HPSE2: variants seen among roughly 807,000 people sequenced by gnomAD.
HPSE2 encodes inactive heparanase-2.
A neutral mutation model predicts 60.5 loss-of-function variants in HPSE2; 38 were observed. The observed-to-expected ratio is 0.63, with a 90% CI of 0.48 to 0.82. The LOEUF (loss-of-function observed/expected upper bound fraction) is 0.82, where lower values mean the gene tolerates loss of function less well. Ranked by LOEUF, HPSE2 falls within the 40% of genes least tolerant of loss-of-function variation. The probability of loss-of-function intolerance (pLI) is 0.00; values close to 1 mark genes in which losing one functional copy is unlikely to be tolerated. For missense variants in HPSE2, 713 were observed against 740.4 expected, an observed-to-expected ratio of 0.96 and a Z score of 0.43; for synonymous variants, 295 against 293.2, an observed-to-expected ratio of 1.01 and a Z score of -0.06.
chr10:98,771,790 G>GA (rs1950246466), intron 3 of HPSE2, among the ~76,000 whole-genome samples: 1 of 152,148 alleles, frequency 6.6e-6, no homozygotes, highest in Non-Finnish European at 1.5e-5. Context: ...CTGCTAGGGT[G>GA]ACTTTTAGAG....
intron 3 of HPSE2, among the ~76,000 whole-genome samples, chr10:99,119,528 A>G (rs1385812542): frequency 6.6e-6 from 1 of 152,246 alleles, no homozygotes; most frequent in African/African-American, 2.4e-5. Context: ...AAAGCAATTT[A>G]TAGATTCAAT....
At chr10:98,790,470 T>C (rs570304137) in intron 3 of HPSE2, among the ~76,000 whole-genome samples, 1 of 152,128 alleles carries the variant, frequency 6.6e-6, no homozygotes, top group African/African-American at 2.4e-5. Flanking sequence ...AGAAAGGAGG[T>C]TACCAGAGGC....
At chr10:99,032,966 C>T (rs1218509195) in intron 3 of HPSE2, among the ~76,000 whole-genome samples, 5 of 152,194 alleles carry the variant, frequency 3.3e-5, no homozygotes, top group Non-Finnish European at 7.3e-5. Context: ...ATTTTAAGGT[C>T]AACTGACTAG....
intron 4 of HPSE2, among the ~76,000 whole-genome samples, chr10:98,725,232 C>G (rs1217195852): frequency 6.6e-6 from 1 of 152,128 alleles, no homozygotes; most frequent in African/African-American, 2.4e-5. Flanking sequence ...TACCTGACTT[C>G]AAACTATACT....
intron 3 of HPSE2, among the ~76,000 whole-genome samples, chr10:99,127,524 T>C (rs1170444443): frequency 6.6e-6 from 1 of 152,100 alleles, no homozygotes; most frequent in Admixed American, 6.5e-5. Context: ...TAAGAATAAC[T>C]GGTGTTCCTA....
Position 98,490,262 on chromosome 10 carries a change from GAC to G in HPSE2, c.1321-68_1321-67del, listed in dbSNP as rs59184373. 1.6e-3 allele frequency: 1,969 copies of G among 1,251,114 alleles called. 1 individual carries two copies. Among genetic ancestry groups the G allele is most frequent in the African/African-American group, 6.4e-3 (427 of 67,060 alleles). 77.5% of individuals were successfully genotyped at this position (1,251,114 alleles called of 1,614,324 possible). On this transcript the variant is annotated intron_variant, in intron 9 of 11. Transcript: ENST00000370552. ...ATGCTCAGGTGTTCTGAGTAAACAT[GAC>G]ACACACACACACACACACACACACA...
chr10:98,668,548 C>T (rs1181205328), intron 6 of HPSE2, among the ~76,000 whole-genome samples: 2 of 152,002 alleles, frequency 1.3e-5, no homozygotes, highest in African/African-American at 4.8e-5. Context: ...GGTATGGGTA[C>T]AAAAACAGAC....
Position 99,234,582 on chromosome 10 carries a change from G to A in HPSE2, c.290+931C>T, listed in dbSNP as rs137915420. Among the ~76,000 whole-genome samples the A allele has an allele frequency of 1.5e-3, 229 of 152,288 alleles. 3 individuals are homozygous for A. In the Middle Eastern group the frequency reaches 0.024, roughly 16 times the overall value. ...TTTACACTGCAACTCTGTCCCTGATGGGAAGGGATCGCAGTTGCCTAACTG... is the reference window on the plus strand; with the variant it reads ...TTTACACTGCAACTCTGTCCCTGATAGGAAGGGATCGCAGTTGCCTAACTG... On this transcript the variant is annotated intron_variant, in intron 1 of 11. Coordinates refer to ENST00000370552, the MANE Select transcript of HPSE2 (RefSeq NM_021828.5).
At chr10:98,561,703 C>T (rs756899481) in intron 9 of HPSE2, among the ~76,000 whole-genome samples, 96 of 152,158 alleles carry the variant, frequency 6.3e-4, no homozygotes, top group Non-Finnish European at 1.2e-3. Flanking sequence ...AAAAAATTAG[C>T]TGGGTGTGGT....
At chr10:99,178,144 T>C (rs908224481) in intron 2 of HPSE2, among the ~76,000 whole-genome samples, 2 of 151,820 alleles carry the variant, frequency 1.3e-5, no homozygotes, top group African/African-American at 2.4e-5. Flanking sequence ...TTTATAGCAC[T>C]AAATGCCCAC....
chr10:98,973,136 T>C (rs975124055), intron 3 of HPSE2, among the ~76,000 whole-genome samples: 1 of 152,124 alleles, frequency 6.6e-6, no homozygotes, highest in African/African-American at 2.4e-5. Context: ...TTCATACAGA[T>C]CAGGTGGAAA....
the HPSE2 span, among the ~76,000 whole-genome samples, chr10:99,250,185 C>A: frequency 1.3e-5 from 2 of 149,358 alleles, no homozygotes; most frequent in Non-Finnish European, 3.0e-5. Context: ...CCTTTTATTT[C>A]TCTTCCTCCT....
intron 7 of HPSE2, among the ~76,000 whole-genome samples, chr10:98,635,784 G>A (rs375679679): frequency 4.5e-4 from 59 of 129,752 alleles, no homozygotes; most frequent in South Asian, 8.0e-4. Flanking sequence ...CCCATCTCAT[G>A]AAAAAAAAAA....
At chr10:99,267,595 A>T in the HPSE2 span, among the ~76,000 whole-genome samples, 1 of 152,074 alleles carries the variant, frequency 6.6e-6, no homozygotes, top group African/African-American at 2.4e-5. Context: ...CAGCCTGGCC[A>T]ATATGGTGAA....
chr10:99,285,862 T>C, the HPSE2 span, among the ~76,000 whole-genome samples: 1 of 151,662 alleles, frequency 6.6e-6, no homozygotes, highest in Non-Finnish European at 1.5e-5. Flanking sequence ...GAGGCAGAGG[T>C]TGAAGTGAGC....
rs761449167 is a variant in HPSE2, at chr10:98,852,813, C to T, written c.611-108757G>A. ...AGCCCTATATTTTTTCTAAAAACAA[C>T]GTATAAACTAAAGGAAGAAACTGAA... On this transcript the variant is annotated intron_variant, in intron 3 of 11. Transcript: ENST00000370552. 7.2e-5 allele frequency among the ~76,000 whole-genome samples: 11 copies of T among 151,976 alleles called. No individual in the cohort carries two copies. In the East Asian group the frequency reaches 1.3e-3, roughly 19 times the overall value.
chr10:98,480,056 T>C (rs943624335), intron 11 of HPSE2, among the ~76,000 whole-genome samples: 32 of 152,076 alleles, frequency 2.1e-4, no homozygotes, highest in African/African-American at 7.5e-4. Context: ...AGGATCCCTG[T>C]AGAATGAAAT....
chr10:99,083,216 T>C (rs901851127), intron 3 of HPSE2, among the ~76,000 whole-genome samples: 46 of 152,296 alleles, frequency 3.0e-4, no homozygotes, highest in Admixed American at 2.9e-3. Context: ...CTTACATTAC[T>C]AGCAGGAGGT....
chr10:98,932,639 T>C lies in HPSE2; in HGVS notation c.611-188583A>G, dbSNP rs1305099466. On this transcript the variant is annotated intron_variant, in intron 3 of 11. Coordinates refer to ENST00000370552, the MANE Select transcript of HPSE2 (RefSeq NM_021828.5). ...TTTTGGCTGGTAGGCTATTTATTAC[T>C]GCCTTAATTTCACAACTTGTTATTG... Among the ~76,000 whole-genome samples the C allele has an allele frequency of 1.4e-5, 2 of 141,724 alleles. 1 individual carries two copies. The highest frequency in any genetic ancestry group is 5.8e-5 in the African/African-American group (2 of 34,288). 93.0% of individuals were successfully genotyped at this position (141,724 alleles called of 152,430 possible).
Sources: gnomAD v4.1 joint callset for allele counts (sites outside exome capture counted in the v4.1 genomes callset) on GRCh38, gnomAD v4.1.1 for gene constraint, MANE v1.5 for transcripts, NCBI Gene and HGNC (gene_info 2026-07-23, HGNC 2026-07-21) for gene names.